The following PDSS1 variants were observed in gnomAD, a reference collection of about 807,000 sequenced individuals.
PDSS1 encodes the protein decaprenyl diphosphate synthase subunit 1.
Under a neutral mutation model 57.5 loss-of-function variants are expected in PDSS1, and 43 were observed. The ratio of observed to expected loss-of-function variants is 0.75; its 90% CI spans 0.59 to 0.96. PDSS1 has a LOEUF of 0.96. Ranked by LOEUF, PDSS1 falls within the 50% of genes least tolerant of loss-of-function variation. The probability of loss-of-function intolerance (pLI) is 0.00; values close to 1 mark genes in which losing one functional copy is unlikely to be tolerated. For synonymous variants in PDSS1, 175 were observed against 191.3 expected, an observed-to-expected ratio of 0.91 and a Z score of 0.70; for missense variants, 438 against 527.8, an observed-to-expected ratio of 0.83 and a Z score of 1.67.
chr10:26,708,925 A>C (rs1588674330), intron 4 of PDSS1, among the ~76,000 whole-genome samples: 1 of 152,156 alleles, frequency 6.6e-6, no homozygotes, highest in Admixed American at 6.5e-5. Flanking sequence ...ACTGGCTTCC[A>C]CCTTCCCCAT....
At chr10:26,707,515 T>C (rs1835273521) in intron 4 of PDSS1, among the ~76,000 whole-genome samples, 1 of 152,138 alleles carries the variant, frequency 6.6e-6, no homozygotes, top group East Asian at 1.9e-4. Flanking sequence ...TTCCTGGTTT[T>C]CTGACCATTG....
At chr10:26,699,980 ATAAC>A (rs1834996189) in intron 1 of PDSS1, among the ~76,000 whole-genome samples, 1 of 152,204 alleles carries the variant, frequency 6.6e-6, no homozygotes. Context: ...CAGAACTACA[ATAAC>A]TAAGCCACAG....
Position 26,697,820 on chromosome 10 carries a change from G to C in PDSS1, c.109G>C (p.Ala37Pro). Reference protein sequence around the residue: ...GRAGPLGPSAAAEVRAQVHRR... With the variant: ...GRAGPLGPSAPAEVRAQVHRR... ...TGCGGGACCGTTGGGGCCGAGCGCC[G>C]CTGCCGAAGTCCGCGCGCAGGTGAG... The change falls in exon 1 of 12, where the codon GCT (alanine) becomes CCT (proline). Residue 37 changes from alanine to proline, a missense_variant. Physicochemically the swap from Ala to Pro is conservative, Grantham distance 27. Coordinates refer to ENST00000376215, the MANE Select transcript of PDSS1 (RefSeq NM_014317.5). The C allele has an allele frequency of 7.5e-7, 1 of 1,339,220 alleles. No homozygotes were observed. Among genetic ancestry groups the C allele is most frequent in the Non-Finnish European group, 9.6e-7 (1 of 1,039,552 alleles). 83.0% of individuals were successfully genotyped at this position (1,339,220 alleles called of 1,614,324 possible).
intron 10 of PDSS1, among the ~76,000 whole-genome samples, chr10:26,737,533 C>T (rs1266702339): frequency 6.6e-6 from 1 of 151,648 alleles, no homozygotes; most frequent in Non-Finnish European, 1.5e-5. Context: ...GAGTTCAAGA[C>T]CAGCCTGACC....
chr10:26,741,082 A>G (rs954800964), intron 10 of PDSS1, among the ~76,000 whole-genome samples: 2 of 150,058 alleles, frequency 1.3e-5, no homozygotes, highest in Non-Finnish European at 2.9e-5. Context: ...TTGGCGGCAC[A>G]TTAAAAATAC....
intron 8 of PDSS1, chr10:26,734,635 G>A (rs534452790): frequency 2.2e-4 from 98 of 455,672 alleles, no homozygotes; most frequent in Admixed American, 9.4e-4. Context: ...AGTTCCTTCC[G>A]ATAATGAAAG....
intron 2 of PDSS1, among the ~76,000 whole-genome samples, chr10:26,704,135 G>C (rs1252948078): frequency 8.2e-6 from 1 of 122,402 alleles, no homozygotes; most frequent in Non-Finnish European, 1.7e-5. Context: ...CATTAGAGAA[G>C]AATCAGAAAA....
chr10:26,737,716 C>CCGT (rs1836450052), intron 10 of PDSS1, among the ~76,000 whole-genome samples: 1 of 113,150 alleles, frequency 8.8e-6, no homozygotes, highest in South Asian at 3.2e-4. Flanking sequence ...GAGTGAGACT[C>CCGT]CGTCTCAAAA....
At chr10:26,734,002 A>C (rs1836304046) in intron 8 of PDSS1, among the ~76,000 whole-genome samples, 1 of 152,214 alleles carries the variant, frequency 6.6e-6, no homozygotes, top group African/African-American at 2.4e-5. Context: ...GCAAACACAC[A>C]TTGAGTTCTA....
chr10:26,720,380 T>TA, intron 6 of PDSS1, 21 bp downstream of exon 6: 1 of 1,512,556 alleles, frequency 6.6e-7, no homozygotes, highest in African/African-American at 1.4e-5. Context: ...TTGGTTTTTT[T>TA]AAAATCTCTC....
intron 4 of PDSS1, among the ~76,000 whole-genome samples, chr10:26,708,465 A>C (rs1835314596): frequency 6.6e-6 from 1 of 152,140 alleles, no homozygotes. Context: ...CCTTCCCTGA[A>C]CTTTCAATGT....
chr10:26,725,015 A>G (rs1249778446), intron 8 of PDSS1, among the ~76,000 whole-genome samples: 1 of 151,844 alleles, frequency 6.6e-6, no homozygotes, highest in Non-Finnish European at 1.5e-5. Context: ...GTGCATACAC[A>G]TGTATACATT....
intron 9 of PDSS1, 43 bp downstream of exon 9, chr10:26,735,363 C>A: frequency 2.1e-6 from 3 of 1,423,536 alleles, no homozygotes; most frequent in Non-Finnish European, 2.0e-6. Flanking sequence ...CGTAGTGATA[C>A]AGTCAGCATT....
chr10:26,703,483 T>G (rs78060397), intron 2 of PDSS1, among the ~76,000 whole-genome samples: 2,346 of 152,174 alleles, frequency 0.015, 147 homozygotes, highest in Admixed American at 0.1. Context: ...ATAATAATTA[T>G]TAAGTCTCTT....
At chr10:26,697,985 T>G in intron 1 of PDSS1, 145 bp downstream of exon 1, 1 of 718,430 alleles carries the variant, frequency 1.4e-6, no homozygotes, top group Non-Finnish European at 1.9e-6. Flanking sequence ...GGGGTGGGAC[T>G]CCGGAGCTGA....
chr10:26,746,609 T>A lies in PDSS1; in HGVS notation c.*136T>A, dbSNP rs1450974810. ...ATATCAAACTTATTGATGGGCAATT[T>A]ATTTTTTTTTATTGCAAAAGTTTTT... On this transcript the variant is annotated 3_prime_UTR_variant, in exon 12 of 12. Coordinates refer to ENST00000376215, the MANE Select transcript of PDSS1 (RefSeq NM_014317.5). 1.1e-6 allele frequency: 1 copy of A among 925,032 alleles called. No homozygotes were observed. Among genetic ancestry groups the A allele is most frequent in the African/African-American group, 1.7e-5 (1 of 59,596 alleles). The allele number at this position is 925,032 out of a possible 1,614,324, so 57.3% of individuals were successfully genotyped here. A position where few individuals can be genotyped will look rare whatever the true frequency, so the allele number is the denominator to read the frequency against.
At position 26,712,246 on chromosome 10, in the gene PDSS1, C is replaced by T. The variant is rs991264906; in HGVS notation, c.467+2478C>T. ...GAACACCTGGCCTCAGGTGATTCACCGGCCTTGGCCTCCCAAAGTGCTGGG... is the reference window on the plus strand; with the variant it reads ...GAACACCTGGCCTCAGGTGATTCACTGGCCTTGGCCTCCCAAAGTGCTGGG... On this transcript the variant is annotated intron_variant, in intron 5 of 11. Transcript: ENST00000376215. Among the ~76,000 whole-genome samples the T allele has an allele frequency of 4.0e-5, 4 of 99,594 alleles. 1 individual carries two copies. The highest frequency in any genetic ancestry group is 6.5e-5 in the African/African-American group (2 of 30,746). The allele number at this position is 99,594 out of a possible 152,430, so 65.3% of individuals were successfully genotyped here.
chr10:26,720,895 GGA>G (rs1835758311), intron 6 of PDSS1, among the ~76,000 whole-genome samples: 1 of 152,132 alleles, frequency 6.6e-6, no homozygotes, highest in South Asian at 2.1e-4. Flanking sequence ...TGGGAAACAG[GGA>G]CTTGGTTTGA....
At chr10:26,697,912 A>C in intron 1 of PDSS1, 72 bp downstream of exon 1, 8 of 1,201,690 alleles carry the variant, frequency 6.7e-6, no homozygotes, top group Admixed American at 8.7e-5. Flanking sequence ...GGCGGAATGA[A>C]TGGGAGCGGG....
Sources: gnomAD v4.1 joint callset for allele counts (sites outside exome capture counted in the v4.1 genomes callset) on GRCh38, gnomAD v4.1.1 for gene constraint, MANE v1.5 for transcripts, NCBI Gene and HGNC (gene_info 2026-07-23, HGNC 2026-07-21) for gene names.